CCL2: variants seen among roughly 807,000 people sequenced by gnomAD.
CCL2 encodes the protein C-C motif chemokine ligand 2.
A neutral mutation model predicts 6.7 loss-of-function variants in CCL2; 2 were observed. The observed-to-expected ratio is 0.30, with a 90% CI of 0.12 to 0.94. CCL2 has a LOEUF of 0.94. Ranked by LOEUF, CCL2 falls within the 40% of genes least tolerant of loss-of-function variation. The pLI is 0.54. For synonymous variants in CCL2, 43 were observed against 45.2 expected, an observed-to-expected ratio of 0.95 and a Z score of 0.19; for missense variants, 89 against 119.3, an observed-to-expected ratio of 0.75 and a Z score of 1.18.
In CCL2 at chr17:34,256,750, T is replaced by G; in HGVS notation, c.223T>G (p.Cys75Gly). The change falls in exon 3 of 3, where the codon TGT (cysteine) becomes GGT (glycine). Residue 75 changes from cysteine (C) to glycine (G), a missense_variant. Physicochemically the swap from Cys to Gly is radical, Grantham distance 159. Coordinates refer to ENST00000225831, the MANE Select transcript of CCL2 (RefSeq NM_002982.4). Reference sequence around the variant, plus strand: ...CAAGACCATTGTGGCCAAGGAGATCTGTGCTGACCCCAAGCAGAAGTGGGT... The same window carrying G: ...CAAGACCATTGTGGCCAAGGAGATCGGTGCTGACCCCAAGCAGAAGTGGGT... ...IFKTIVAKEI[C>G]ADPKQKWVQD... 6.2e-7 allele frequency: 1 copy of G among 1,613,574 alleles called. No homozygotes were observed. The highest frequency in any genetic ancestry group is 8.5e-7 in the Non-Finnish European group (1 of 1,179,676).
intron 1 of CCL2, 37 bp downstream of exon 1, chr17:34,255,462 C>A: frequency 6.5e-7 from 1 of 1,546,710 alleles, no homozygotes; most frequent in Non-Finnish European, 8.9e-7. Context: ...ACCACATTGT[C>A]TTCTCTCTGA....
At chr17:34,256,462 G>T (rs1408904571) in intron 2 of CCL2, 123 bp downstream of exon 2, 16 of 714,978 alleles carry the variant, frequency 2.2e-5, no homozygotes, top group Non-Finnish European at 2.9e-5. Context: ...TTCCCAATGG[G>T]AAAACTGAGG....
At chr17:34,255,941 C>T (rs1907671453) in intron 1 of CCL2, 3 of 340,116 alleles carry the variant, frequency 8.8e-6, no homozygotes, top group Non-Finnish European at 1.6e-5. Flanking sequence ...GATTATTGGT[C>T]CGTCTTAATG....
chr17:34,256,007 A>C (rs2142195579), intron 1 of CCL2: 1 of 488,302 alleles, frequency 2.0e-6, no homozygotes, highest in East Asian at 3.3e-5. Context: ...GTCCATTATC[A>C]ATGTTATATA....
Position 34,256,289 on chromosome 17 carries a change from C to G in CCL2, c.144C>G (p.Leu48=), listed in dbSNP as rs138768575. 10 of 1,613,854 alleles carry G rather than the reference C, an allele frequency of 6.2e-6. No homozygotes were observed. Among genetic ancestry groups the G allele is most frequent in the African/African-American group, 1.3e-5 (1 of 74,884 alleles). The change falls in exon 2 of 3, where the codon CTC becomes CTG. Residue 48 remains leucine, a synonymous_variant. Coordinates refer to ENST00000225831, the MANE Select transcript of CCL2 (RefSeq NM_002982.4). ...ATAGGAAGATCTCAGTGCAGAGGCT[C>G]GCGAGCTATAGAAGAATCACCAGCA... ...FTNRKISVQR[L]ASYRRITSSK...
At chr17:34,256,447 A>G in intron 2 of CCL2, 108 bp downstream of exon 2, 1 of 779,112 alleles carries the variant, frequency 1.3e-6, no homozygotes, top group Non-Finnish European at 2.2e-6. Context: ...CTTAATGTAC[A>G]AAGGTTCCCA....
In CCL2 at chr17:34,255,329, G is replaced by T. The variant is rs773321785; in HGVS notation, c.-21G>T. On this transcript the variant is annotated 5_prime_UTR_variant, in exon 1 of 3. Coordinates refer to ENST00000225831, the MANE Select transcript of CCL2 (RefSeq NM_002982.4). ...AGAAACATCCAATTCTCAAACTGAA[G>T]CTCGCACTCTCGCCTCCAGCATGAA... 1 of 1,611,924 alleles carries T rather than the reference G, an allele frequency of 6.2e-7. No homozygotes were observed. Among genetic ancestry groups the T allele is most frequent in the South Asian group, 1.1e-5 (1 of 91,016 alleles).
At chr17:34,256,434 T>A in intron 2 of CCL2, 95 bp downstream of exon 2, 1 of 836,262 alleles carries the variant, frequency 1.2e-6, no homozygotes, top group Non-Finnish European at 2.0e-6. Context: ...GTGCACTATT[T>A]AACTTAATGT....
rs1258725179 is a variant in CCL2, at chr17:34,255,363, C to T, written c.14C>T (p.Ala5Val). The T allele has an allele frequency of 6.2e-7, 1 of 1,613,736 alleles. No homozygotes were observed. Residue 5 changes from alanine (A) to valine (V), a missense_variant, in exon 1 of 3, where the codon GCC becomes GTC. By Grantham distance (64) the Ala-to-Val change is moderately conservative (BLOSUM62 0). Transcript: ENST00000225831. MKVS[A>V]ALLCLLLIAA... ...CTCGCCTCCAGCATGAAAGTCTCTG[C>T]CGCCCTTCTGTGCCTGCTGCTCATA...
chr17:34,256,495 C>T, intron 2 of CCL2, 156 bp downstream of exon 2: 1 of 638,140 alleles, frequency 1.6e-6, no homozygotes, highest in Admixed American at 2.8e-5. Context: ...AAGTGAACCC[C>T]AACATCACTC....
At position 34,256,790 on chromosome 17, in the gene CCL2, A is replaced by T. The variant is rs1907701034; in HGVS notation, c.263A>T (p.Asp88Val). 1 of 1,613,714 alleles carries T rather than the reference A, an allele frequency of 6.2e-7. No individual in the cohort carries two copies. The highest frequency in any genetic ancestry group is 8.5e-7 in the Non-Finnish European group (1 of 1,179,716). The change falls in exon 3 of 3, where the codon GAC becomes GTC. Residue 88 changes from aspartate to valine, a missense_variant. Transcript: ENST00000225831. ...CAGAAGTGGGTTCAGGATTCCATGG[A>T]CCACCTGGACAAGCAAACCCAAACT... ...PKQKWVQDSM[D>V]HLDKQTQTPK...
At position 34,256,975 on chromosome 17, in the gene CCL2, G is replaced by T; in HGVS notation, c.*148G>T. On this transcript the variant is annotated 3_prime_UTR_variant, in exon 3 of 3. Coordinates refer to ENST00000225831, the MANE Select transcript of CCL2 (RefSeq NM_002982.4). ...AATGTTAATTCTTATTTAAGTTATT[G>T]ATGTTTTAAGTTTATCTTTCATGGT... 1 of 546,786 alleles carries T rather than the reference G, an allele frequency of 1.8e-6. No individual in the cohort carries two copies. Among genetic ancestry groups the T allele is most frequent in the Non-Finnish European group, 3.3e-6 (1 of 301,564 alleles). 33.9% of individuals were successfully genotyped at this position (546,786 alleles called of 1,614,324 possible).
At chr17:34,256,493 C>A in intron 2 of CCL2, 154 bp downstream of exon 2, 1 of 639,000 alleles carries the variant, frequency 1.6e-6, no homozygotes, top group Non-Finnish European at 2.8e-6. Context: ...AAAAGTGAAC[C>A]CCAACATCAC....
At chr17:34,255,447 C>T (rs1161653273) in intron 1 of CCL2, 22 bp downstream of exon 1, 1 of 1,596,256 alleles carries the variant, frequency 6.3e-7, no homozygotes, top group Non-Finnish European at 8.6e-7. Flanking sequence ...TCTTCTTCTC[C>T]TTGAACCACA....
rs942183945 is a variant in CCL2 at position 34,256,737 on chromosome 17, G to A, written c.210G>A (p.Val70=). ...CTCCCCACAGCTTCAAGACCATTGTGGCCAAGGAGATCTGTGCTGACCCCA... is the reference window on the plus strand; with the variant it reads ...CTCCCCACAGCTTCAAGACCATTGTAGCCAAGGAGATCTGTGCTGACCCCA... ...PKEAVIFKTI[V]AKEICADPKQ... Residue 70 remains valine (V), a synonymous_variant, in exon 3 of 3, where the codon GTG becomes GTA. Transcript: ENST00000225831. The A allele has an allele frequency of 6.2e-6, 10 of 1,612,246 alleles. No homozygotes were observed. The highest frequency in any genetic ancestry group is 8.5e-6 in the Non-Finnish European group (10 of 1,178,938).
intron 2 of CCL2, 155 bp from the exon 3 acceptor site, chr17:34,256,567 C>T (rs1014647063): frequency 3.7e-5 from 23 of 624,122 alleles, no homozygotes; most frequent in Non-Finnish European, 5.8e-5. Flanking sequence ...GATGGCTCCA[C>T]CTGGACACCT....
In CCL2 at chr17:34,256,860, A is replaced by G; in HGVS notation, c.*33A>G. Reference sequence around the variant, plus strand: ...CTCCACAACCCAAGAATCTGCAGCTAACTTATTTTCCCCTAGCTTTCCCCA... The same window carrying G: ...CTCCACAACCCAAGAATCTGCAGCTGACTTATTTTCCCCTAGCTTTCCCCA... On this transcript the variant is annotated 3_prime_UTR_variant, in exon 3 of 3. Coordinates refer to ENST00000225831, the MANE Select transcript of CCL2 (RefSeq NM_002982.4). The G allele has an allele frequency of 1.4e-6, 2 of 1,398,232 alleles. No homozygotes were observed. Among genetic ancestry groups the G allele is most frequent in the South Asian group, 1.2e-5 (1 of 84,914 alleles). 86.6% of individuals were successfully genotyped at this position (1,398,232 alleles called of 1,614,324 possible).
At chr17:34,256,096 G>T in intron 1 of CCL2, 126 bp from the exon 2 acceptor site, 1 of 666,840 alleles carries the variant, frequency 1.5e-6, no homozygotes, top group Admixed American at 2.3e-5. Context: ...GAAGCACTGG[G>T]ATTTAATGAG....
chr17:34,255,755 C>T (rs1346798011), intron 1 of CCL2: 3 of 315,046 alleles, frequency 9.5e-6, no homozygotes, highest in Non-Finnish European at 1.8e-5. Flanking sequence ...TGTTTCCAGA[C>T]ACGCTGGAGA....
Sources: gnomAD v4.1 joint callset for allele counts on GRCh38, gnomAD v4.1.1 for gene constraint, MANE v1.5 for transcripts, NCBI Gene and HGNC (gene_info 2026-07-23, HGNC 2026-07-21) for gene names.